Variants in ARHGAP8 observed in about 807,000 individuals in gnomAD.
ARHGAP8 encodes the protein Rho GTPase activating protein 8.
A neutral mutation model predicts 46.1 loss-of-function variants in ARHGAP8; 62 were observed. The observed-to-expected ratio is 1.34, with a 90% CI of 1.10 to 1.66. The LOEUF is 1.66. ARHGAP8 is among the 40% of genes most tolerant of loss of function. The pLI, the probability that ARHGAP8 is intolerant of heterozygous loss-of-function variation, is 0.00. For synonymous variants in ARHGAP8, 375 were observed against 243.1 expected, an observed-to-expected ratio of 1.54 and a Z score of -5.05; for missense variants, 923 against 568.4, an observed-to-expected ratio of 1.62 and a Z score of -6.34.
intron 1 of ARHGAP8, among the ~76,000 whole-genome samples, chr22:44,772,697 A>G (rs1954208534): frequency 6.6e-6 from 1 of 151,926 alleles, no homozygotes; most frequent in African/African-American, 2.4e-5. Context: ...AAAATAAGTT[A>G]GAAGGTATTT....
At chr22:44,857,409 G>A (rs560001109) in intron 10 of ARHGAP8, among the ~76,000 whole-genome samples, 13 of 152,212 alleles carry the variant, frequency 8.5e-5, no homozygotes, top group African/African-American at 3.1e-4. Flanking sequence ...CTTGGTGGGG[G>A]CCCTGTTGCT....
chr22:44,832,222 A>AT (rs373759458), intron 7 of ARHGAP8, among the ~76,000 whole-genome samples: 7,771 of 106,480 alleles, frequency 0.073, 564 homozygotes, highest in African/African-American at 0.17. Flanking sequence ...TGTCAATGTA[A>AT]TTTTTTTTTT....
At chr22:44,757,805 A>ATTTTTTTTTTTTTTT (rs132444) in intron 1 of ARHGAP8, among the ~76,000 whole-genome samples, 2 of 137,012 alleles carry the variant, frequency 1.5e-5, no homozygotes. Context: ...TGCCTGGCTA[A>ATTTTTTTTTTTTTTT]TTTTTTTTTT....
At chr22:44,852,189 C>CAAAAAAA in intron 10 of ARHGAP8, among the ~76,000 whole-genome samples, 1 of 76,032 alleles carries the variant, frequency 1.3e-5, no homozygotes, top group Non-Finnish European at 2.3e-5. Flanking sequence ...GAGACTTTGT[C>CAAAAAAA]AAAAAAAAAA....
At chr22:44,762,744 A>G (rs900609165) in intron 1 of ARHGAP8, among the ~76,000 whole-genome samples, 1 of 151,750 alleles carries the variant, frequency 6.6e-6, no homozygotes, top group African/African-American at 2.4e-5. Flanking sequence ...AGGTCTCACC[A>G]TGTTGGCCAG....
At chr22:44,759,707 A>AAGGGAGATGGTC (rs1463558144) in intron 1 of ARHGAP8, among the ~76,000 whole-genome samples, 1 of 152,198 alleles carries the variant, frequency 6.6e-6, no homozygotes. Flanking sequence ...CAGGGGCCTG[A>AAGGGAGATGGTC]AGGGAGATGG....
intron 7 of ARHGAP8, among the ~76,000 whole-genome samples, chr22:44,835,231 CTATA>C (rs71188491): frequency 2.7e-5 from 4 of 146,920 alleles, no homozygotes; most frequent in Admixed American, 6.8e-5. Flanking sequence ...GTTTCTTTTG[CTATA>C]TATATATATA....
chr22:44,824,695 C>T (rs1020072492), intron 6 of ARHGAP8, among the ~76,000 whole-genome samples: 1 of 148,226 alleles, frequency 6.7e-6, no homozygotes, highest in East Asian at 2.0e-4. Context: ...TGCAATGGCG[C>T]AATCTCGGCT....
At chr22:44,824,702 G>A (rs968628953) in intron 6 of ARHGAP8, among the ~76,000 whole-genome samples, 3 of 149,114 alleles carry the variant, frequency 2.0e-5, no homozygotes, top group African/African-American at 2.5e-5. Context: ...GCGCAATCTC[G>A]GCTCTCTGCA....
At chr22:44,861,992 G>C (rs964952612) in intron 11 of ARHGAP8, among the ~76,000 whole-genome samples, 10 of 152,214 alleles carry the variant, frequency 6.6e-5, no homozygotes, top group African/African-American at 2.4e-4. Context: ...CATCTCCCCA[G>C]AAGGTGCAGT....
At chr22:44,825,848 C>G (rs1432167490) in intron 7 of ARHGAP8, among the ~76,000 whole-genome samples, 2 of 112,178 alleles carry the variant, frequency 1.8e-5, no homozygotes, top group African/African-American at 7.2e-5. Flanking sequence ...TTGGGGGGCG[C>G]GTGCTCGCTG....
At chr22:44,753,011 C>T (rs964364543) in intron 1 of ARHGAP8, among the ~76,000 whole-genome samples, 6 of 152,012 alleles carry the variant, frequency 3.9e-5, no homozygotes, top group Non-Finnish European at 8.8e-5. Flanking sequence ...TTGCTTCCGT[C>T]CTGGGGTCTC....
chr22:44,808,639 CA>C (rs111681590), intron 4 of ARHGAP8: 47 of 949,736 alleles, frequency 4.9e-5, no homozygotes, highest in Middle Eastern at 4.9e-4. Flanking sequence ...GGTTGGCACT[CA>C]TTTTTTTTTT....
rs796490147 is a variant in ARHGAP8, at chr22:44,827,336, G to GTTTTTTTTTTTTT, written c.596+1757_596+1769dup. Among the ~76,000 whole-genome samples, 87 of 67,268 alleles carry GTTTTTTTTTTTTT rather than the reference G, an allele frequency of 1.3e-3. 23 individuals carry two copies. Among genetic ancestry groups the GTTTTTTTTTTTTT allele is most frequent in the African/African-American group, 1.5e-3 (26 of 17,074 alleles). The allele number at this position is 67,268 out of a possible 152,430, so 44.1% of individuals were successfully genotyped here. On this transcript the variant is annotated intron_variant, in intron 7 of 11. Transcript: ENST00000356099. Reference sequence around the variant, plus strand: ...GGTGAGATAATACATTTGGGTGGTGGTTTTTTTTTTTTTTTTTTTTTTTTT... The same window carrying GTTTTTTTTTTTTT: ...GGTGAGATAATACATTTGGGTGGTGGTTTTTTTTTTTTTTTTTTTTTTTTTTTTTTTTTTTTTT...
At chr22:44,778,715 C>A (rs1392783145) in intron 1 of ARHGAP8, among the ~76,000 whole-genome samples, 1 of 152,124 alleles carries the variant, frequency 6.6e-6, no homozygotes, top group African/African-American at 2.4e-5. Flanking sequence ...TTGATTATGG[C>A]CATTCTTCCT....
intron 3 of ARHGAP8, among the ~76,000 whole-genome samples, chr22:44,804,323 C>G (rs1431040435): frequency 3.9e-5 from 6 of 151,986 alleles, no homozygotes; most frequent in African/African-American, 1.2e-4. Flanking sequence ...AGAGCTGCTG[C>G]TGGGGGAGAG....
rs1386545614 is a variant in ARHGAP8 at position 44,848,210 on chromosome 22, C to T, written c.748+160C>T. ...AGCTTCCCAGGAGGCATCGAGGGGC[C>T]CACTGGTAGTCCAGAGTGGGGACCT... is the stretch of plus-strand genomic sequence containing the variant. On this transcript the variant is annotated intron_variant, in intron 9 of 11. Transcript: ENST00000356099. Among the ~76,000 whole-genome samples, 4 of 152,214 alleles carry T rather than the reference C, an allele frequency of 2.6e-5. No homozygotes were observed. In the East Asian group the frequency reaches 7.7e-4, roughly 29 times the overall value.
intron 1 of ARHGAP8, among the ~76,000 whole-genome samples, chr22:44,777,563 C>T (rs867330294): frequency 2.6e-5 from 4 of 152,086 alleles, no homozygotes; most frequent in East Asian, 1.9e-4. Context: ...CCCTACTGCT[C>T]GTTACCCATT....
rs758366391 is a variant in ARHGAP8, at chr22:44,859,716, C to T, written c.878-15C>T. 38 of 1,612,200 alleles carry T rather than the reference C, an allele frequency of 2.4e-5. No homozygotes were observed. The highest frequency in any genetic ancestry group is 8.9e-5 in the East Asian group (4 of 44,884). On this transcript the variant is annotated splice_polypyrimidine_tract_variant and intron_variant, in intron 10 of 11. Coordinates refer to ENST00000356099, the MANE Select transcript of ARHGAP8 (RefSeq NM_181335.3). The stretch of plus-strand genomic sequence containing the variant: ...GCCCCTCTGGAGCTCAGCAGGGAGC[C>T]CCATGCCCTTCCAGGTGTGGAGAGC...
Sources: gnomAD v4.1 joint callset for allele counts (sites outside exome capture counted in the v4.1 genomes callset) on GRCh38, gnomAD v4.1.1 for gene constraint, MANE v1.5 for transcripts, NCBI Gene and HGNC (gene_info 2026-07-23, HGNC 2026-07-21) for gene names.